Variants in SPCS2 observed in about 807,000 individuals in gnomAD.
The protein encoded by SPCS2 is signal peptidase complex subunit 2.
SPCS2 carries 3 observed loss-of-function variants against 22.3 expected under a neutral mutation model. The observed-to-expected ratio is 0.13, with a 90% CI of 0.06 to 0.35. The LOEUF (loss-of-function observed/expected upper bound fraction) is 0.35. Among genes scored for constraint, SPCS2 ranks in the 10% least tolerant of loss-of-function variants. The pLI is 1.00. For missense variants in SPCS2, 169 were observed against 280.9 expected (o/e 0.60, Z 2.85); for synonymous variants, 67 against 97.2 (o/e 0.69, Z 1.83).
chr11:74,968,396 A>C (rs560030361), intron 3 of SPCS2: 2 of 152,200 alleles, frequency 1.3e-5, no homozygotes, highest in Admixed American at 6.5e-5. Flanking sequence ...ATCTTGCCTC[A>C]CTATAGCCTC....
At chr11:74,954,069 A>C (rs1039518272) in intron 1 of SPCS2, among the ~76,000 whole-genome samples, 10 of 152,118 alleles carry the variant, frequency 6.6e-5, no homozygotes, top group Non-Finnish European at 1.5e-4. Context: ...ACATGTCTCT[A>C]TTACCTCTGC....
rs1251551187 is a variant in SPCS2, at chr11:74,978,024, C to G, written c.*981C>G. ...TTTTACACATGAGGAAACTGAGATA[C>G]AAAAGTTAAATAATTGTCACACAGC... is the stretch of plus-strand genomic sequence containing the variant. On this transcript the variant is annotated 3_prime_UTR_variant, in exon 5 of 5. Transcript: ENST00000263672. 2 of 152,100 alleles carry G rather than the reference C, an allele frequency of 1.3e-5. No individual in the cohort carries two copies. The highest frequency in any genetic ancestry group is 1.9e-4 in the East Asian group (1 of 5,202). 9.4% of individuals were successfully genotyped at this position (152,100 alleles called of 1,614,324 possible).
At chr11:74,964,153 T>TA (rs1433203752) in intron 1 of SPCS2, among the ~76,000 whole-genome samples, 5 of 152,242 alleles carry the variant, frequency 3.3e-5, no homozygotes, top group African/African-American at 4.8e-5. Flanking sequence ...TTTTCACTAT[T>TA]ACAGACAATG....
chr11:74,949,965 C>T (rs1948351471), intron 1 of SPCS2, among the ~76,000 whole-genome samples: 1 of 151,802 alleles, frequency 6.6e-6, no homozygotes, highest in African/African-American at 2.4e-5. Context: ...GTTGTTTTTC[C>T]CCGCCCTCTC....
intron 3 of SPCS2, among the ~76,000 whole-genome samples, chr11:74,966,798 G>A (rs1006492052): frequency 4.6e-5 from 7 of 151,806 alleles, no homozygotes; most frequent in African/African-American, 1.5e-4. Flanking sequence ...GGGTCTTACC[G>A]TGTCACCCAG....
chr11:74,954,508 T>C (rs1411926461), intron 1 of SPCS2, among the ~76,000 whole-genome samples: 1 of 152,230 alleles, frequency 6.6e-6, no homozygotes, highest in African/African-American at 2.4e-5. Flanking sequence ...CATATGTCCT[T>C]AGGTATCTCC....
intron 2 of SPCS2, 44 bp from the exon 3 acceptor site, chr11:74,965,719 G>T: frequency 6.7e-7 from 1 of 1,497,034 alleles, no homozygotes; most frequent in Non-Finnish European, 9.3e-7. Flanking sequence ...ACATACTGGG[G>T]AGGAAGTATT....
At chr11:74,961,529 G>GTTGT (rs538927920) in intron 1 of SPCS2, among the ~76,000 whole-genome samples, 1,991 of 147,540 alleles carry the variant, frequency 0.013, 15 homozygotes, top group Non-Finnish European at 0.02. Context: ...TGTTGTTGTT[G>GTTGT]TTGTTTGTTT....
At chr11:74,949,467 C>A in intron 1 of SPCS2, 68 bp downstream of exon 1, 1 of 1,332,964 alleles carries the variant, frequency 7.5e-7, no homozygotes, top group Non-Finnish European at 1.1e-6. Context: ...CCAACCTTCC[C>A]ATCCCGGTCT....
intron 1 of SPCS2, among the ~76,000 whole-genome samples, chr11:74,963,418 G>A (rs1948525394): frequency 6.6e-6 from 1 of 151,214 alleles, no homozygotes; most frequent in South Asian, 2.1e-4. Context: ...CACAGAACAG[G>A]TTTTCTCTTT....
chr11:74,970,872 C>G lies in SPCS2; in HGVS notation c.494+1173C>G, dbSNP rs552418368. ...AAGAACTTTTATATAATTCACCTAC[C>G]ATACATACAGTTCACCCATTTAAAG... is the stretch of plus-strand genomic sequence containing the variant. On this transcript the variant is annotated intron_variant, in intron 4 of 4. Transcript: ENST00000263672. Among the ~76,000 whole-genome samples the G allele has an allele frequency of 5.9e-4, 90 of 152,234 alleles. 1 individual carries two copies. Among genetic ancestry groups the G allele is most frequent in the Admixed American group, 4.6e-3 (71 of 15,290 alleles).
At chr11:74,974,716 A>G (rs1458202010) in intron 4 of SPCS2, among the ~76,000 whole-genome samples, 5 of 151,936 alleles carry the variant, frequency 3.3e-5, no homozygotes, top group Non-Finnish European at 7.4e-5. Flanking sequence ...CTGGGTTCAC[A>G]CCATTCTCCT....
At chr11:74,961,686 C>CCTGG (rs1948515212) in intron 1 of SPCS2, among the ~76,000 whole-genome samples, 1 of 151,864 alleles carries the variant, frequency 6.6e-6, no homozygotes, top group Admixed American at 6.6e-5. Flanking sequence ...GATTACTTAG[C>CCTGG]CTGGCTAAGT....
rs1001287141 is a variant in SPCS2, at chr11:74,978,903, A to G, written c.*1860A>G. ...CATGCAAACATGTGTCTCCACATAC[A>G]TTTTTTTTAACAAAAATTGAATTAT... is the stretch of plus-strand genomic sequence containing the variant. On this transcript the variant is annotated 3_prime_UTR_variant, in exon 5 of 5. Coordinates refer to ENST00000263672, the MANE Select transcript of SPCS2 (RefSeq NM_014752.3). 4 of 151,844 alleles carry G rather than the reference A, an allele frequency of 2.6e-5. No individual in the cohort carries two copies. Among genetic ancestry groups the G allele is most frequent in the African/African-American group, 9.7e-5 (4 of 41,328 alleles). 9.4% of individuals were successfully genotyped at this position (151,844 alleles called of 1,614,324 possible). A position where few individuals can be genotyped will look rare whatever the true frequency, so the allele number is the denominator to read the frequency against.
At chr11:74,964,041 T>C (rs1383403287) in intron 1 of SPCS2, among the ~76,000 whole-genome samples, 1 of 152,228 alleles carries the variant, frequency 6.6e-6, no homozygotes, top group Non-Finnish European at 1.5e-5. Flanking sequence ...CATAGAGTAA[T>C]CTTACTCCTC....
intron 1 of SPCS2, among the ~76,000 whole-genome samples, chr11:74,956,961 A>T (rs954670509): frequency 1.3e-5 from 2 of 152,098 alleles, no homozygotes; most frequent in African/African-American, 4.8e-5. Flanking sequence ...CTCTGCTCAG[A>T]TGTTAACTAT....
At chr11:74,956,924 T>A (rs1403869931) in intron 1 of SPCS2, among the ~76,000 whole-genome samples, 1 of 152,106 alleles carries the variant, frequency 6.6e-6, no homozygotes, top group Admixed American at 6.5e-5. Context: ...CACTCCAGAT[T>A]TTCTCATGGG....
intron 4 of SPCS2, among the ~76,000 whole-genome samples, chr11:74,975,609 T>A (rs1348963311): frequency 6.6e-6 from 1 of 152,234 alleles, no homozygotes; most frequent in Non-Finnish European, 1.5e-5. Context: ...TACTGTGATA[T>A]CAATTAGCAG....
At chr11:74,976,146 A>G (rs1948612569) in intron 4 of SPCS2, among the ~76,000 whole-genome samples, 1 of 152,216 alleles carries the variant, frequency 6.6e-6, no homozygotes, top group Admixed American at 6.5e-5. Context: ...AGGGTTCTTC[A>G]TTTATTTATA....
Sources: gnomAD v4.1 joint callset for allele counts (sites outside exome capture counted in the v4.1 genomes callset) on GRCh38, gnomAD v4.1.1 for gene constraint, MANE v1.5 for transcripts, NCBI Gene and HGNC (gene_info 2026-07-23, HGNC 2026-07-21) for gene names.